The following CDH18 variants were observed in gnomAD, a reference collection of about 807,000 sequenced individuals.
CDH18 encodes the protein cadherin 18, also known as cadherin-18.
Under a neutral mutation model 67.9 loss-of-function variants are expected in CDH18, and 31 were observed. The ratio of observed to expected loss-of-function variants is 0.46; its 90% CI spans 0.34 to 0.62. The LOEUF is 0.62. Among genes scored for constraint, CDH18 ranks in the 20% least tolerant of loss-of-function variants. The pLI is 0.01. For missense variants in CDH18, 890 were observed against 975.5 expected, an observed-to-expected ratio of 0.91 and a Z score of 1.17; for synonymous variants, 362 against 347.2, an observed-to-expected ratio of 1.04 and a Z score of -0.48.
intron 5 of CDH18, among the ~76,000 whole-genome samples, chr5:19,659,067 A>G (rs1580737635): frequency 1.3e-5 from 2 of 152,108 alleles, no homozygotes; most frequent in Admixed American, 6.6e-5. Context: ...CCAAACACTG[A>G]ATGTTCTCAC....
Position 19,809,269 on chromosome 5 carries a change from G to C in CDH18, c.228+29490C>G, listed in dbSNP as rs538856089. 3.5e-4 allele frequency among the ~76,000 whole-genome samples: 54 copies of C among 152,266 alleles called. 1 individual carries two copies. The highest frequency in any genetic ancestry group is 1.3e-3 in the African/African-American group (54 of 41,552). ...GGAGGCCATTCCCAACTGTCAGATA[G>C]CCCAGTGCCTCTGGGGAAAATTAAC... On this transcript the variant is annotated intron_variant, in intron 3 of 12. Coordinates refer to ENST00000382275, the MANE Select transcript of CDH18 (RefSeq NM_004934.5).
chr5:19,488,462 C>T (rs1194694674), intron 11 of CDH18, among the ~76,000 whole-genome samples: 1 of 151,994 alleles, frequency 6.6e-6, no homozygotes, highest in Non-Finnish European at 1.5e-5. Context: ...TCTAATTAGA[C>T]CAAAAAATTT....
chr5:20,201,404 T>G (rs943517452), intron 2 of CDH18, among the ~76,000 whole-genome samples: 1 of 152,188 alleles, frequency 6.6e-6, no homozygotes, highest in Non-Finnish European at 1.5e-5. Context: ...AGGTAACTTT[T>G]TGCCAGACAC....
rs113596854 is a variant in CDH18, at chr5:20,327,335, C to T, written c.-579-71830G>A. Reference sequence around the variant, plus strand: ...TTATCTTATGTAAAATGTAGATTTACGGAGCAAATGACAGTGCCTAATTGA... The same window carrying T: ...TTATCTTATGTAAAATGTAGATTTATGGAGCAAATGACAGTGCCTAATTGA... On this transcript the variant is annotated intron_variant, in intron 1 of 14. Coordinates refer to the CDH18 transcript ENST00000507958. 7.0e-4 allele frequency among the ~76,000 whole-genome samples: 107 copies of T among 152,258 alleles called. 1 individual carries two copies. The highest frequency in any genetic ancestry group is 1.9e-3 in the African/African-American group (81 of 41,550).
intron 2 of CDH18, among the ~76,000 whole-genome samples, chr5:20,235,641 C>G (rs1194187288): frequency 6.6e-6 from 1 of 152,104 alleles, no homozygotes; most frequent in Non-Finnish European, 1.5e-5. Context: ...GTTGGCAAGG[C>G]TGTAGAGAAA....
intron 2 of CDH18, among the ~76,000 whole-genome samples, chr5:20,125,593 GTC>G (rs1378754045): frequency 6.6e-6 from 1 of 151,986 alleles, no homozygotes; most frequent in Non-Finnish European, 1.5e-5. Flanking sequence ...CATATTCTGT[GTC>G]TGTCTTTTTT....
At chr5:19,477,003 C>T (rs568399784) in intron 12 of CDH18, among the ~76,000 whole-genome samples, 20 of 151,478 alleles carry the variant, frequency 1.3e-4, no homozygotes, top group African/African-American at 4.8e-4. Context: ...AGACCATTTA[C>T]ATTTGAACGT....
chr5:19,600,864 C>T (rs1307337456), intron 6 of CDH18, among the ~76,000 whole-genome samples: 5 of 152,118 alleles, frequency 3.3e-5, no homozygotes, highest in Admixed American at 6.6e-5. Flanking sequence ...ATGGGACTTA[C>T]ATTAGAAAAA....
At chr5:19,563,446 G>A (rs983418623) in intron 8 of CDH18, among the ~76,000 whole-genome samples, 5 of 152,188 alleles carry the variant, frequency 3.3e-5, no homozygotes, top group African/African-American at 1.2e-4. Flanking sequence ...CAATTTAACA[G>A]TCATGTGTCA....
chr5:20,563,546 A>G (rs1483333601), intron 1 of CDH18, among the ~76,000 whole-genome samples: 1 of 152,086 alleles, frequency 6.6e-6, no homozygotes, highest in Non-Finnish European at 1.5e-5. Flanking sequence ...AACTACTTAA[A>G]TGTCAATTTT....
At chr5:19,864,693 C>T (rs1785292834) in intron 2 of CDH18, among the ~76,000 whole-genome samples, 1 of 152,138 alleles carries the variant, frequency 6.6e-6, no homozygotes, top group Non-Finnish European at 1.5e-5. Context: ...TTTTATGCCA[C>T]ACCTCACATC....
intron 1 of CDH18, among the ~76,000 whole-genome samples, chr5:20,545,702 C>T (rs949326546): frequency 1.1e-4 from 16 of 152,210 alleles, no homozygotes; most frequent in African/African-American, 2.9e-4. Flanking sequence ...CCTCCTAGAC[C>T]TCCAGGACTG....
chr5:19,955,143 G>A (rs1360644774), intron 2 of CDH18, among the ~76,000 whole-genome samples: 1 of 152,022 alleles, frequency 6.6e-6, no homozygotes, highest in Non-Finnish European at 1.5e-5. Context: ...TATAAAGAAG[G>A]ACATGTTTGC....
intron 2 of CDH18, among the ~76,000 whole-genome samples, chr5:20,091,986 T>C (rs189858200): frequency 4.6e-5 from 7 of 152,336 alleles, no homozygotes; most frequent in Admixed American, 3.9e-4. Context: ...CTGCCTCATG[T>C]AATTTTGGAA....
intron 2 of CDH18, among the ~76,000 whole-genome samples, chr5:19,954,672 G>GAA (rs916055694): frequency 2.0e-5 from 3 of 151,060 alleles, no homozygotes; most frequent in African/African-American, 7.3e-5. Flanking sequence ...AAGTAAATAG[G>GAA]AAAAAAAATG....
At chr5:20,517,572 C>T (rs187782201) in intron 1 of CDH18, among the ~76,000 whole-genome samples, 7 of 151,864 alleles carry the variant, frequency 4.6e-5, no homozygotes, top group African/African-American at 1.7e-4. Flanking sequence ...AATGATGGTT[C>T]CCTTTCATGT....
At position 19,495,201 on chromosome 5, in the gene CDH18, A is replaced by T. The variant is rs144248316; in HGVS notation, c.1630+7791T>A. Among the ~76,000 whole-genome samples, 1,462 of 152,274 alleles carry T rather than the reference A, an allele frequency of 9.6e-3. 14 individuals are homozygous for T. The highest frequency in any genetic ancestry group is 0.031 in the South Asian group (148 of 4,822). On this transcript the variant is annotated intron_variant, in intron 11 of 12. Transcript: ENST00000382275. ...ATGAGATGGGGTTCTAACCCAATTT[A>T]ATTAAATTTGAAAGAGCAAATATCT...
intron 1 of CDH18, among the ~76,000 whole-genome samples, chr5:20,319,393 T>G (rs1166635127): frequency 6.6e-6 from 1 of 152,220 alleles, no homozygotes; most frequent in Non-Finnish European, 1.5e-5. Flanking sequence ...CACTGGACAC[T>G]TCTCACACTT....
intron 1 of CDH18, among the ~76,000 whole-genome samples, chr5:20,345,315 C>T (rs1224303645): frequency 6.6e-6 from 1 of 152,104 alleles, no homozygotes; most frequent in Admixed American, 6.6e-5. Flanking sequence ...TGGTAATTCT[C>T]ACGATAAGGC....
Sources: gnomAD v4.1 joint callset for allele counts (sites outside exome capture counted in the v4.1 genomes callset) on GRCh38, gnomAD v4.1.1 for gene constraint, MANE v1.5 for transcripts, NCBI Gene and HGNC (gene_info 2026-07-23, HGNC 2026-07-21) for gene names.